The following ENO4 variants were observed in gnomAD, a reference collection of about 807,000 sequenced individuals.
The protein encoded by ENO4 is 2-phospho-D-glycerate hydro-lyase.
ENO4 carries 53 observed loss-of-function variants against 63.2 expected under a neutral mutation model. The observed-to-expected ratio is 0.84, with a 90% confidence interval of 0.67 to 1.05. The LOEUF (loss-of-function observed/expected upper bound fraction) is 1.05, where lower values mean the gene tolerates loss of function less well. ENO4 is among the 50% of genes least tolerant of loss of function. The pLI is 0.00. For missense variants in ENO4, 719 were observed against 772.0 expected (o/e 0.93, Z 0.81); for synonymous variants, 266 against 283.8 (o/e 0.94, Z 0.63).
intron 12 of ENO4, 91 bp downstream of exon 12, chr10:116,879,449 G>T: frequency 1.0e-6 from 1 of 971,120 alleles, no homozygotes; most frequent in Non-Finnish European, 1.5e-6. Flanking sequence ...AGAAAGGCAT[G>T]TAACCTTTTA....
At chr10:116,873,950 G>A (rs946587016) in intron 9 of ENO4, 126 bp from the exon 10 acceptor site, 5 of 1,327,968 alleles carry the variant, frequency 3.8e-6, no homozygotes, top group Non-Finnish European at 4.9e-6. Context: ...AGGTCAACGT[G>A]CCCTGAAAAG....
chr10:116,896,708 C>T (rs958757154), intron 10 of ENO4, among the ~76,000 whole-genome samples: 4 of 152,108 alleles, frequency 2.6e-5, no homozygotes, highest in South Asian at 2.1e-4. Flanking sequence ...AGAGCGGCTC[C>T]GAAGCAGTCG....
chr10:116,869,524 T>C (rs112664736), intron 8 of ENO4, among the ~76,000 whole-genome samples: 3 of 152,306 alleles, frequency 2.0e-5, no homozygotes, highest in African/African-American at 7.2e-5. Context: ...AAGTGAAGTT[T>C]CTTTTTAAGA....
At chr10:116,882,969 T>TACACACACACACAC (rs61072842), downstream of ENO4, 47 of 138,602 alleles carry the variant, frequency 3.4e-4, no homozygotes, top group African/African-American at 1.0e-3. Context: ...CTTTGAAAAA[T>TACACACACACACAC]ACACACACAC....
chr10:116,869,119 C>T (rs1481768771), intron 8 of ENO4, among the ~76,000 whole-genome samples: 1 of 152,170 alleles, frequency 6.6e-6, no homozygotes, highest in African/African-American at 2.4e-5. Context: ...ATCTGGTCCC[C>T]CAAAGGCACT....
intron 6 of ENO4, 36 bp downstream of exon 6, chr10:116,861,226 A>G (rs1276468496): frequency 1.9e-6 from 1 of 534,688 alleles, no homozygotes; most frequent in Non-Finnish European, 2.6e-6. Flanking sequence ...TTTTCTAAAA[A>G]AAAAAAAAAA....
chr10:116,903,473 C>A (rs1011833789), intron 10 of ENO4, among the ~76,000 whole-genome samples: 7 of 151,646 alleles, frequency 4.6e-5, no homozygotes, highest in Admixed American at 3.9e-4. Context: ...TGCAGTGAGC[C>A]GAGATCACGC....
intron 11 of ENO4, among the ~76,000 whole-genome samples, chr10:116,876,900 G>A (rs368911008): frequency 4.1e-4 from 62 of 152,162 alleles, no homozygotes; most frequent in Middle Eastern, 3.4e-3. Context: ...GCAGTGAGCC[G>A]AGATCGCGCC....
chr10:116,898,636 T>A (rs1847607423), intron 10 of ENO4, among the ~76,000 whole-genome samples: 1 of 152,158 alleles, frequency 6.6e-6, no homozygotes, highest in Non-Finnish European at 1.5e-5. Flanking sequence ...TTATTAGACA[T>A]AATTAACAGG....
Position 116,881,624 on chromosome 10 carries a change from A to C in ENO4, c.1833A>C (p.Thr611=). The change falls in exon 14 of 14, where the codon ACA becomes ACC. Residue 611 remains threonine, a synonymous_variant. Coordinates refer to ENST00000341276, the MANE Select transcript of ENO4 (RefSeq NM_001242699.2). ...AREPLVPTFP[T]QGVEESAETG... ...AGCCGCTGGTGCCCACCTTCCCCAC[A>C]CAAGGTGTAGAGGAATCAGCCGAAA... The C allele has an allele frequency of 1.3e-6, 2 of 1,550,370 alleles. No homozygotes were observed. The highest frequency in any genetic ancestry group is 1.7e-6 in the Non-Finnish European group (2 of 1,146,908).
At chr10:116,854,950 A>T (rs1846214555) in intron 1 of ENO4, among the ~76,000 whole-genome samples, 1 of 148,166 alleles carries the variant, frequency 6.7e-6, no homozygotes. Context: ...CAAAAAAAAA[A>T]AAAAAAAAAA....
chr10:116,909,906 T>G lies in ENO4; in HGVS notation c.1195-1593T>G, dbSNP rs893185578. 2.6e-5 allele frequency among the ~76,000 whole-genome samples: 4 copies of G among 152,156 alleles called. No homozygotes were observed. The East Asian group carries it at 7.7e-4, about 29-fold the overall frequency. ...GTTTCTTGATAACCCCTGGTACCAGTGCTTGTGTTTTTCAGTACACAACTG... is the reference window on the plus strand; with the variant it reads ...GTTTCTTGATAACCCCTGGTACCAGGGCTTGTGTTTTTCAGTACACAACTG... On this transcript the variant is annotated intron_variant, in intron 10 of 10. Transcript: ENST00000369207.
chr10:116,892,698 A>C (rs1344829674), intron 10 of ENO4, among the ~76,000 whole-genome samples: 6 of 152,228 alleles, frequency 3.9e-5, no homozygotes, highest in Admixed American at 3.9e-4. Context: ...ATTACTTTTC[A>C]TAGAGCTATA....
In ENO4 at chr10:116,876,104, T is replaced by A; in HGVS notation, c.1381T>A (p.Ser461Thr). 6.4e-7 allele frequency: 1 copy of A among 1,550,484 alleles called. No homozygotes were observed. The highest frequency in any genetic ancestry group is 2.4e-5 in the East Asian group (1 of 40,920). Reference protein sequence around the residue: ...QWDSIYHALGSRCYIIAGTAS... With the variant: ...QWDSIYHALGTRCYIIAGTAS... ...GGACAGCATCTATCACGCACTTGGT[T>A]CCAGGTGTTACATAATTGCAGGAAC... The change falls in exon 11 of 14, where the codon TCC becomes ACC. Residue 461 changes from serine to threonine, a missense_variant. By Grantham distance (58) the Ser-to-Thr change is moderately conservative (BLOSUM62 1). Transcript: ENST00000341276.
chr10:116,857,708 G>A (rs1008930459), intron 3 of ENO4, among the ~76,000 whole-genome samples: 6 of 150,072 alleles, frequency 4.0e-5, no homozygotes, highest in African/African-American at 9.8e-5. Context: ...GCATGATCTC[G>A]GCTCACCACA....
intron 10 of ENO4, chr10:116,906,597 A>G (rs1847980208): frequency 6.3e-7 from 1 of 1,583,234 alleles, no homozygotes; most frequent in Non-Finnish European, 8.6e-7. Context: ...AGATGAAGAG[A>G]AGGACTGTGG....
chr10:116,865,031 AAG>A (rs1408159629), intron 7 of ENO4, among the ~76,000 whole-genome samples: 1 of 152,156 alleles, frequency 6.6e-6, no homozygotes, highest in Admixed American at 6.5e-5. Context: ...GGGGGAAAGA[AAG>A]ATAAATACAC....
At chr10:116,900,451 T>C in intron 10 of ENO4, 1 of 1,234,376 alleles carries the variant, frequency 8.1e-7, no homozygotes, top group Non-Finnish European at 1.1e-6. Flanking sequence ...TTTCATTTCC[T>C]TTCTTGGAAA....
chr10:116,911,562 T>G, exon 11 of ENO4: 1 of 1,550,732 alleles, frequency 6.4e-7, no homozygotes, highest in South Asian at 1.2e-5. Flanking sequence ...ATGACTTTGG[T>G]GAAAGTGTAA....
Sources: gnomAD v4.1 joint callset for allele counts (sites outside exome capture counted in the v4.1 genomes callset) on GRCh38, gnomAD v4.1.1 for gene constraint, MANE v1.5 for transcripts, NCBI Gene and HGNC (gene_info 2026-07-23, HGNC 2026-07-21) for gene names.